Variants in CTPS1 observed in about 807,000 individuals in gnomAD.
CTPS1 encodes the protein CTP synthase 1.
In CTPS1, 25 loss-of-function variants were observed where a neutral mutation model predicts 80.5. The observed-to-expected ratio is 0.31, with a 90% CI of 0.23 to 0.43. The LOEUF (loss-of-function observed/expected upper bound fraction) is 0.43. Ranked by LOEUF, CTPS1 falls within the 20% of genes least tolerant of loss-of-function variation. The pLI is 1.00. For synonymous variants in CTPS1, 267 were observed against 252.5 expected (o/e 1.06, Z -0.54); for missense variants, 442 against 725.7 (o/e 0.61, Z 4.49).
intron 7 of CTPS1, among the ~76,000 whole-genome samples, chr1:40,994,121 A>G (rs1232805822): frequency 6.6e-6 from 1 of 152,050 alleles, no homozygotes; most frequent in African/African-American, 2.4e-5. Context: ...GACACTTTTA[A>G]ATTTCGATGA....
chr1:40,986,031 T>TA (rs1170898213), intron 3 of CTPS1, among the ~76,000 whole-genome samples: 1 of 152,252 alleles, frequency 6.6e-6, no homozygotes, highest in African/African-American at 2.4e-5. Flanking sequence ...AAATTTGCAT[T>TA]GAATGCTCAC....
intron 8 of CTPS1, chr1:40,996,989 G>A (rs1357368771): frequency 6.5e-6 from 1 of 152,916 alleles, no homozygotes; most frequent in Non-Finnish European, 1.5e-5. Flanking sequence ...CTCTTTGTAA[G>A]TTTCAAAACA....
chr1:41,009,459 G>C lies in CTPS1; in HGVS notation c.1561G>C (p.Val521Leu). 6.4e-7 allele frequency: 1 copy of C among 1,566,234 alleles called. No individual in the cohort carries two copies. Among genetic ancestry groups the C allele is most frequent in the East Asian group, 2.3e-5 (1 of 43,648 alleles). The change falls in exon 17 of 19, where the codon GTT becomes CTT. Residue 521 changes from valine (V) to leucine (L), a missense_variant. Coordinates refer to ENST00000650070, the MANE Select transcript of CTPS1 (RefSeq NM_001905.4). ...CTCTATTTCAGATCATCCCTTTTTTGTTGGGGTTCAGTACCACCCTGAGTT... is the reference window on the plus strand; with the variant it reads ...CTCTATTTCAGATCATCCCTTTTTTCTTGGGGTTCAGTACCACCCTGAGTT... The part of the protein sequence containing the change: ...IVELEDHPFF[V>L]GVQYHPEFLS...
chr1:41,007,159 T>G lies in CTPS1; in HGVS notation c.1297-290T>G, dbSNP rs1643053715. Among the ~76,000 whole-genome samples the G allele has an allele frequency of 6.6e-6, 1 of 152,138 alleles. No individual in the cohort carries two copies. The highest frequency in any genetic ancestry group is 2.4e-5 in the African/African-American group (1 of 41,428). ...GTCTGTGCTACTGTATCAGTCTTTC[T>G]AAGGAAGTGATGCTTACCGTCCACA... On this transcript the variant is annotated intron_variant, in intron 13 of 18. Coordinates refer to ENST00000650070, the MANE Select transcript of CTPS1 (RefSeq NM_001905.4). This position sits in a 1 kb window ranked among gnomAD's most constrained non-coding sequence, Gnocchi z 4.4.
intron 7 of CTPS1, among the ~76,000 whole-genome samples, chr1:40,995,359 T>A (rs1300748033): frequency 6.7e-6 from 1 of 149,882 alleles, no homozygotes; most frequent in African/African-American, 2.5e-5. Context: ...GCTGGGACCA[T>A]GGGCACATGC....
intron 5 of CTPS1, among the ~76,000 whole-genome samples, chr1:40,990,304 G>C (rs1483964607): frequency 1.3e-5 from 2 of 152,142 alleles, no homozygotes; most frequent in East Asian, 3.8e-4. Flanking sequence ...TGGGTTGAAA[G>C]GGCCCCCTTG....
chr1:41,011,243 A>T (rs1343796915), intron 18 of CTPS1, among the ~76,000 whole-genome samples: 1 of 152,226 alleles, frequency 6.6e-6, no homozygotes, highest in East Asian at 1.9e-4. Flanking sequence ...TAAGCGTTTA[A>T]CACGGATGGA....
In CTPS1 at chr1:41,010,224, TC is replaced by T. The variant is rs1643136255; in HGVS notation, c.1757del (p.Pro586HisfsTer3). The T allele has an allele frequency of 2.5e-6, 4 of 1,613,674 alleles. No homozygotes were observed. Among genetic ancestry groups the T allele is most frequent in the Admixed American group, 3.3e-5 (2 of 60,024 alleles). ...PDSEITELKF[P>X]SINHD ...ACTCTGAAATCACCGAACTGAAGTT[TC>T]CATCAATAAATCATGACTGATCTTG... On this transcript the variant is annotated frameshift_variant, in exon 18 of 19. Coordinates refer to ENST00000650070, the MANE Select transcript of CTPS1 (RefSeq NM_001905.4). LOFTEE classifies it high-confidence loss of function.
chr1:40,992,722 G>A (rs1337762928), intron 7 of CTPS1, among the ~76,000 whole-genome samples: 1 of 141,046 alleles, frequency 7.1e-6, no homozygotes, highest in Non-Finnish European at 1.5e-5. Context: ...ACAGAGTCTC[G>A]CTGTGTCGCC....
At position 41,008,644 on chromosome 1, in the gene CTPS1, C is replaced by T. The variant is rs778949972; in HGVS notation, c.1394-15C>T. ...GAGATAAAGTTCTTTACATACAGCC[C>T]GTTTGTTTTGCCAGGGAAACTCTAT... On this transcript the variant is annotated splice_polypyrimidine_tract_variant and intron_variant, in intron 14 of 18. Coordinates refer to ENST00000650070, the MANE Select transcript of CTPS1 (RefSeq NM_001905.4). The T allele has an allele frequency of 8.7e-5, 141 of 1,613,832 alleles. No individual in the cohort carries two copies. In the Middle Eastern group the frequency reaches 9.9e-4, roughly 11 times the overall value.
Position 40,984,963 on chromosome 1 carries a change from A to T in CTPS1, c.309A>T (p.Lys103Asn), listed in dbSNP as rs773103801. Residue 103 changes from lysine to asparagine, a missense_variant, in exon 3 of 19, where the codon AAA becomes AAT. Around this residue, in one of 4 missense-constraint regions of CTPS1, gnomAD observed 69 missense variants for 102.1 expected, o/e 0.68. Coordinates refer to ENST00000650070, the MANE Select transcript of CTPS1 (RefSeq NM_001905.4). Reference sequence around the variant, plus strand: ...AGTATGTCATTAACAAGGAACGGAAAGGAGATTACTTGGGGAAAACTGTCC... The same window carrying T: ...AGTATGTCATTAACAAGGAACGGAATGGAGATTACTTGGGGAAAACTGTCC... ...IYQYVINKERKGDYLGKTVQV... is the reference protein window; with the variant it reads ...IYQYVINKERNGDYLGKTVQV... The T allele has an allele frequency of 6.3e-7, 1 of 1,586,634 alleles. No individual in the cohort carries two copies. Among genetic ancestry groups the T allele is most frequent in the Non-Finnish European group, 8.6e-7 (1 of 1,161,544 alleles).
intron 18 of CTPS1, among the ~76,000 whole-genome samples, chr1:41,010,516 G>A (rs1416891238): frequency 6.6e-6 from 1 of 152,142 alleles, no homozygotes; most frequent in East Asian, 1.9e-4. Context: ...ATGGTCACTG[G>A]GCAGTTGTCT....
At chr1:40,982,894 A>T (rs1005640162) in intron 1 of CTPS1, among the ~76,000 whole-genome samples, 2 of 152,182 alleles carry the variant, frequency 1.3e-5, no homozygotes, top group African/African-American at 4.8e-5. Context: ...TGTAGGGAAA[A>T]TAATGAGGCA....
intron 4 of CTPS1, 75 bp from the exon 5 acceptor site, chr1:40,988,519 A>G: frequency 2.2e-6 from 2 of 919,412 alleles, no homozygotes; most frequent in Non-Finnish European, 1.8e-6. Context: ...TCAGGAAGAC[A>G]GAACAGTTGT....
intron 14 of CTPS1, 122 bp from the exon 15 acceptor site, chr1:41,008,537 A>G (rs1223008696): frequency 2.0e-6 from 2 of 987,198 alleles, no homozygotes; most frequent in Non-Finnish European, 3.2e-6. Flanking sequence ...GATTCATAGA[A>G]ATAGCCCTCA....
chr1:40,984,184 T>A (rs1256575295), intron 2 of CTPS1, among the ~76,000 whole-genome samples: 1 of 152,178 alleles, frequency 6.6e-6, no homozygotes, highest in Non-Finnish European at 1.5e-5. Context: ...AGAGGATGAG[T>A]TATCTCTCTG....
intron 12 of CTPS1, 121 bp from the exon 13 acceptor site, chr1:41,005,930 A>G (rs1479182460): frequency 2.6e-6 from 2 of 775,048 alleles, no homozygotes; most frequent in African/African-American, 3.4e-5. Context: ...TGCTATCTTT[A>G]GTTTTTGTTC....
chr1:40,985,949 TAGAA>T (rs1642440534), intron 3 of CTPS1, among the ~76,000 whole-genome samples: 1 of 152,164 alleles, frequency 6.6e-6, no homozygotes, highest in South Asian at 2.1e-4. Context: ...TCCTGACACA[TAGAA>T]AGGAATCAGT....
At chr1:41,002,078 T>C (rs890090672) in intron 10 of CTPS1, 82 bp from the exon 11 acceptor site, 1 of 1,213,716 alleles carries the variant, frequency 8.2e-7, no homozygotes, top group Admixed American at 1.7e-5. Context: ...TTCAGTGTCT[T>C]GGTAATGGCC....
Sources: gnomAD v4.1 joint callset for allele counts (sites outside exome capture counted in the v4.1 genomes callset) on GRCh38, gnomAD v4.1.1 for gene constraint, gnomAD v4.1.1 regional missense constraint, Gnocchi (gnomAD v3.1) non-coding constraint, MANE v1.5 for transcripts, NCBI Gene and HGNC (gene_info 2026-07-23, HGNC 2026-07-21) for gene names.